The following TNR variants were observed in gnomAD, a reference collection of about 807,000 sequenced individuals.
TNR encodes tenascin-R.
TNR carries 45 observed loss-of-function variants against 150.4 expected under a neutral mutation model. The observed-to-expected ratio is 0.30, with a 90% confidence interval of 0.24 to 0.38. TNR has a LOEUF of 0.38. Ranked by LOEUF, TNR falls within the 10% of genes least tolerant of loss-of-function variation. The pLI, the probability that TNR is intolerant of heterozygous loss-of-function variation, is 1.00. For synonymous variants in TNR, 687 were observed against 678.4 expected, an observed-to-expected ratio of 1.01 and a Z score of -0.20; for missense variants, 1,544 against 1,759.1, an observed-to-expected ratio of 0.88 and a Z score of 2.19.
At chr1:175,433,399 G>A (rs777303586) in intron 2 of TNR, among the ~76,000 whole-genome samples, 4 of 152,168 alleles carry the variant, frequency 2.6e-5, no homozygotes, top group Non-Finnish European at 4.4e-5. Context: ...CATCATGTTA[G>A]ATGGCTCATC....
chr1:175,503,311 A>G lies in TNR; in HGVS notation c.-64+24958T>C, dbSNP rs140697475. Among the ~76,000 whole-genome samples, 452 of 152,356 alleles carry G rather than the reference A, an allele frequency of 3.0e-3. 2 individuals carry two copies. Among genetic ancestry groups the G allele is most frequent in the African/African-American group, 0.01 (428 of 41,588 alleles). On this transcript the variant is annotated intron_variant, in intron 2 of 22. Transcript: ENST00000367674. ...TCGGTGCTCAGAGTTTAAGGAAGCG[A>G]CAGACCCACGTTCTTTTTCTGTAAT...
At chr1:175,714,458 C>T (rs571057784) in intron 1 of TNR, among the ~76,000 whole-genome samples, 5 of 152,320 alleles carry the variant, frequency 3.3e-5, no homozygotes, top group African/African-American at 1.2e-4. Context: ...TCCTCCCTCC[C>T]TCACCCCAGC....
At chr1:175,690,800 G>A (rs1200445699) in intron 1 of TNR, among the ~76,000 whole-genome samples, 2 of 152,204 alleles carry the variant, frequency 1.3e-5, no homozygotes, top group Non-Finnish European at 2.9e-5. Context: ...GGAGACTATT[G>A]TGATGGCAGC....
At chr1:175,675,593 TACCAGCAG>T (rs1357118496) in intron 1 of TNR, among the ~76,000 whole-genome samples, 2 of 152,210 alleles carry the variant, frequency 1.3e-5, no homozygotes, top group Non-Finnish European at 2.9e-5. Context: ...CAGATGGAGT[TACCAGCAG>T]AGTAATGCAC....
At chr1:175,622,785 A>G (rs1380528287) in intron 1 of TNR, among the ~76,000 whole-genome samples, 1 of 152,190 alleles carries the variant, frequency 6.6e-6, no homozygotes, top group African/African-American at 2.4e-5. Flanking sequence ...TGCCTCTGAA[A>G]CCTATAGGGA....
chr1:175,430,836 T>C (rs1303897731), intron 2 of TNR, among the ~76,000 whole-genome samples: 1 of 152,236 alleles, frequency 6.6e-6, no homozygotes, highest in East Asian at 1.9e-4. Flanking sequence ...CAGGGAAACA[T>C]CATTACTTAA....
chr1:175,457,529 C>G (rs1464682261), intron 2 of TNR, among the ~76,000 whole-genome samples: 2 of 152,132 alleles, frequency 1.3e-5, no homozygotes, highest in Non-Finnish European at 2.9e-5. Flanking sequence ...CCCACTGTGC[C>G]CAGGGAAATA....
intron 4 of TNR, among the ~76,000 whole-genome samples, chr1:175,399,011 C>A (rs1354970031): frequency 6.6e-6 from 1 of 152,182 alleles, no homozygotes; most frequent in Non-Finnish European, 1.5e-5. Context: ...AGTTTTCATT[C>A]TTTCCCCTAC....
rs374910885 is a variant in TNR at position 175,365,962 on chromosome 1, G to T, written c.2230C>A (p.Leu744Ile). Residue 744 changes from leucine (L) to isoleucine (I), a missense_variant, in exon 11 of 23, where the codon CTA (leucine) becomes ATA (isoleucine). Physicochemically the swap from Leu to Ile is conservative, Grantham distance 5. Transcript: ENST00000367674. ...KDRTSYTLTD[L>I]EPGAEYIISV... ...ATGATGTACTCTGCCCCAGGCTCTA[G>T]ATCTGTTAGTGTGTATGAGGTCCTG... 2.1e-5 allele frequency: 34 copies of T among 1,614,048 alleles called. No individual in the cohort carries two copies. Among genetic ancestry groups the T allele is most frequent in the Non-Finnish European group, 2.9e-5 (34 of 1,180,024 alleles).
chr1:175,482,554 A>C (rs929716027), intron 2 of TNR, among the ~76,000 whole-genome samples: 6 of 152,226 alleles, frequency 3.9e-5, no homozygotes, highest in African/African-American at 1.2e-4. Flanking sequence ...CATGCTGATT[A>C]AAGTTTACTC....
chr1:175,646,492 G>C lies in TNR; in HGVS notation c.-165+96734C>G, dbSNP rs2101885154. Among the ~76,000 whole-genome samples the C allele has an allele frequency of 3.9e-5, 6 of 152,296 alleles. No homozygotes were observed. In the Middle Eastern group the frequency reaches 0.02, roughly 518 times the overall value. On this transcript the variant is annotated intron_variant, in intron 1 of 22. Transcript: ENST00000367674. ...TACCATTAGAGACTCCCTCTTGTAG[G>C]CTTCTTACCCTTAAGACGTTGCTGT...
chr1:175,701,131 G>A (rs1386640614), intron 1 of TNR, among the ~76,000 whole-genome samples: 1 of 152,184 alleles, frequency 6.6e-6, no homozygotes, highest in Non-Finnish European at 1.5e-5. Flanking sequence ...ACTGGTTCAT[G>A]CTCCAGTTAT....
chr1:175,362,521 A>T (rs906454831), intron 14 of TNR, 142 bp downstream of exon 14: 18 of 975,938 alleles, frequency 1.8e-5, no homozygotes, highest in Non-Finnish European at 2.4e-5. Context: ...GAGAAATTGC[A>T]AATTGCCCTG....
chr1:175,597,627 G>T (rs1458722295), intron 1 of TNR, among the ~76,000 whole-genome samples: 1 of 152,152 alleles, frequency 6.6e-6, no homozygotes, highest in East Asian at 1.9e-4. Context: ...CCTGCTGATG[G>T]TTTTAGATGG....
intron 2 of TNR, among the ~76,000 whole-genome samples, chr1:175,475,207 T>A (rs1557956710): frequency 6.6e-6 from 1 of 152,192 alleles, no homozygotes; most frequent in African/African-American, 2.4e-5. Context: ...CATCAACTCA[T>A]GTAGACTCTT....
At chr1:175,389,209 G>C (rs908989551) in intron 7 of TNR, among the ~76,000 whole-genome samples, 1 of 152,156 alleles carries the variant, frequency 6.6e-6, no homozygotes, top group Non-Finnish European at 1.5e-5. Context: ...AAACAGCCCC[G>C]GAAGCAAGCA....
chr1:175,467,053 A>G (rs1657066324), intron 2 of TNR, among the ~76,000 whole-genome samples: 1 of 152,152 alleles, frequency 6.6e-6, no homozygotes, highest in African/African-American at 2.4e-5. Flanking sequence ...GGCCTGGCAT[A>G]TTAGATTCGA....
At chr1:175,598,865 T>C (rs2101844790) in intron 1 of TNR, among the ~76,000 whole-genome samples, 1 of 152,330 alleles carries the variant, frequency 6.6e-6, no homozygotes, top group East Asian at 1.9e-4. Flanking sequence ...GAATCTCAAG[T>C]TCCCCAAGTC....
chr1:175,552,444 C>G (rs1172277798), intron 1 of TNR, among the ~76,000 whole-genome samples: 1 of 152,176 alleles, frequency 6.6e-6, no homozygotes, highest in African/African-American at 2.4e-5. Context: ...TTACAAAGTC[C>G]TTGCACATAT....
Sources: allele counts gnomAD v4.1 joint callset (sites outside exome capture counted in the v4.1 genomes callset), GRCh38; gene constraint gnomAD v4.1.1; transcripts MANE v1.5; gene names NCBI Gene and HGNC (gene_info 2026-07-23, HGNC 2026-07-21).